The following GCN1 variants were observed in gnomAD, a reference collection of about 807,000 sequenced individuals.
GCN1 encodes the protein GCN1 activator of EIF2AK4.
Under a neutral mutation model 288.4 loss-of-function variants are expected in GCN1, and 90 were observed. The observed-to-expected ratio is 0.31, with a 90% CI of 0.26 to 0.37. The LOEUF (loss-of-function observed/expected upper bound fraction) is 0.37. GCN1 is among the 10% of genes least tolerant of loss of function. The pLI is 1.00. For synonymous variants in GCN1, 1,386 were observed against 1,420.2 expected, an observed-to-expected ratio of 0.98 and a Z score of 0.54; for missense variants, 2,586 against 3,419.9, an observed-to-expected ratio of 0.76 and a Z score of 6.08.
At chr12:120,166,417 A>T (rs956557346) in intron 16 of GCN1, among the ~76,000 whole-genome samples, 5 of 146,970 alleles carry the variant, frequency 3.4e-5, no homozygotes, top group African/African-American at 1.3e-4. Context: ...AAAAAAAAAA[A>T]AAAAATGCCT....
At chr12:120,186,385 A>AG (rs1458350240) in intron 2 of GCN1, among the ~76,000 whole-genome samples, 1 of 152,138 alleles carries the variant, frequency 6.6e-6, no homozygotes, top group Non-Finnish European at 1.5e-5. Context: ...AAAAAAAAAA[A>AG]AAGAGTGCTC....
At position 120,143,953 on chromosome 12, in the gene GCN1, C is replaced by G. The variant is rs573850820; in HGVS notation, c.5495+353G>C. On this transcript the variant is annotated intron_variant, in intron 42 of 57. Coordinates refer to ENST00000300648, the MANE Select transcript of GCN1 (RefSeq NM_006836.2). ...CTCTTCATTTCTCAACTGGAGTTAT[C>G]AAAATGCAAAGTTCAACCCTTTGGA... Among the ~76,000 whole-genome samples the G allele has an allele frequency of 1.1e-3, 166 of 152,316 alleles. 1 individual carries two copies. Among genetic ancestry groups the G allele is most frequent in the Admixed American group, 2.5e-3 (39 of 15,298 alleles).
chr12:120,136,510 A>G lies in GCN1; in HGVS notation c.7000T>C (p.Leu2334=), dbSNP rs1566298130. 6.2e-7 allele frequency: 1 copy of G among 1,612,812 alleles called. No homozygotes were observed. The highest frequency in any genetic ancestry group is 8.5e-7 in the Non-Finnish European group (1 of 1,178,732). Residue 2334 remains leucine (L), a synonymous_variant, in exon 51 of 58, where the codon TTG becomes CTG. Coordinates refer to ENST00000300648, the MANE Select transcript of GCN1 (RefSeq NM_006836.2). ...AALLETLSLL[L]AKVGIALKPF... ...ACTCATCAGCCACTCACCTTAGCCA[A>G]CAAGAGGCTGAGTGTCTCGAGCAGA... is the stretch of plus-strand genomic sequence containing the variant.
At chr12:120,139,509 C>T (rs1194062266) in intron 45 of GCN1, among the ~76,000 whole-genome samples, 1 of 151,870 alleles carries the variant, frequency 6.6e-6, no homozygotes, top group Non-Finnish European at 1.5e-5. Flanking sequence ...CACCTATAGT[C>T]CCCAGCTACT....
At position 120,175,885 on chromosome 12, in the gene GCN1, A is replaced by G; in HGVS notation, c.914-11T>C. The stretch of plus-strand genomic sequence containing the variant: ...TGGATTTCAGGTGACCTGCACACAC[A>G]AAGCCACTGCTCAGAAGCAGCCAAC... On this transcript the variant is annotated splice_polypyrimidine_tract_variant and intron_variant, in intron 10 of 57. Transcript: ENST00000300648. The G allele has an allele frequency of 6.2e-7, 1 of 1,600,122 alleles. No homozygotes were observed. Among genetic ancestry groups the G allele is most frequent in the South Asian group, 1.1e-5 (1 of 88,504 alleles).
At position 120,156,660 on chromosome 12, in the gene GCN1, C is replaced by T; in HGVS notation, c.3169-56G>A. ...CAGCAACTCATTTACTACTAGGGGG[C>T]CAGAGAGGGATATGCACTGAGAACA... On this transcript the variant is annotated intron_variant, in intron 27 of 57. Coordinates refer to ENST00000300648, the MANE Select transcript of GCN1 (RefSeq NM_006836.2). This position sits in a 1 kb window ranked among gnomAD's most constrained non-coding sequence, Gnocchi z 5.8. 3.2e-6 allele frequency: 5 copies of T among 1,567,032 alleles called. No individual in the cohort carries two copies. Among genetic ancestry groups the T allele is most frequent in the Non-Finnish European group, 4.4e-6 (5 of 1,140,972 alleles).
chr12:120,144,391 C>G lies in GCN1; in HGVS notation c.5410G>C (p.Val1804Leu), dbSNP rs772366531. ...RDTALRAGQR[V>L]ISMYAETAIA... ...GCTGTCTCAGCGTACATGGAGATAA[C>G]CCGCTGGCCCGCGCGCAGGGCGGTG... Residue 1804 changes from valine to leucine, a missense_variant, in exon 42 of 58, where the codon GTT (valine) becomes CTT (leucine). Coordinates refer to ENST00000300648, the MANE Select transcript of GCN1 (RefSeq NM_006836.2). This position sits in a 1 kb window ranked among gnomAD's most constrained non-coding sequence, Gnocchi z 4.7. 5.0e-6 allele frequency: 8 copies of G among 1,614,210 alleles called. No individual in the cohort carries two copies. Among genetic ancestry groups the G allele is most frequent in the Non-Finnish European group, 6.8e-6 (8 of 1,179,998 alleles).
chr12:120,152,675 AAT>A (rs559375182), intron 33 of GCN1, among the ~76,000 whole-genome samples: 3 of 140,580 alleles, frequency 2.1e-5, no homozygotes, highest in African/African-American at 7.8e-5. Context: ...TATATATATA[AAT>A]ATATATATAT....
intron 21 of GCN1, 142 bp downstream of exon 21, chr12:120,161,738 G>A (rs1313628307): frequency 2.7e-5 from 25 of 943,022 alleles, no homozygotes; most frequent in Middle Eastern, 3.0e-4. Flanking sequence ...CCTAAGCACC[G>A]TGCCGGGGAC....
intron 18 of GCN1, among the ~76,000 whole-genome samples, chr12:120,164,011 T>C (rs886820697): frequency 2.0e-5 from 3 of 152,080 alleles, no homozygotes; most frequent in African/African-American, 7.2e-5. Context: ...TGTGCACCTA[T>C]AGTCCCAGCA....
At chr12:120,131,110 C>T in intron 55 of GCN1, 75 bp downstream of exon 55, 1 of 1,367,866 alleles carries the variant, frequency 7.3e-7, no homozygotes, top group South Asian at 1.2e-5. Context: ...GTCTGGGGTC[C>T]ACCCGCGCTG....
intron 36 of GCN1, 23 bp from the exon 37 acceptor site, chr12:120,148,369 C>A: frequency 6.2e-7 from 1 of 1,601,708 alleles, no homozygotes; most frequent in Non-Finnish European, 8.5e-7. Context: ...GACACAAGCC[C>A]AGTACTGAAT....
intron 42 of GCN1, among the ~76,000 whole-genome samples, chr12:120,143,588 GAAA>G (rs398055996): frequency 8.4e-6 from 1 of 119,528 alleles, no homozygotes; most frequent in Non-Finnish European, 2.0e-5. Context: ...TCTCAAAAAG[GAAA>G]AAAAAAAAAA....
chr12:120,154,470 C>G (rs917110292), intron 31 of GCN1, among the ~76,000 whole-genome samples: 2 of 152,222 alleles, frequency 1.3e-5, no homozygotes, highest in Non-Finnish European at 2.9e-5. Flanking sequence ...TGAGCCTGCT[C>G]TGTGGGAGGC....
rs1877285638 is a variant in GCN1, at chr12:120,144,167, G to A, written c.5495+139C>T. 2.3e-6 allele frequency: 2 copies of A among 854,548 alleles called. No homozygotes were observed. Among genetic ancestry groups the A allele is most frequent in the Non-Finnish European group, 3.8e-6 (2 of 531,018 alleles). 52.9% of individuals were successfully genotyped at this position (854,548 alleles called of 1,614,324 possible). On this transcript the variant is annotated intron_variant, in intron 42 of 57. Coordinates refer to ENST00000300648, the MANE Select transcript of GCN1 (RefSeq NM_006836.2). This position sits in a 1 kb window ranked among gnomAD's most constrained non-coding sequence, Gnocchi z 4.7. ...AATTTTTTATTTTTTATAGAGACAG[G>A]GTCTCACTATGTTGCCAGGGCTCAT...
chr12:120,174,038 A>G (rs751333600), intron 13 of GCN1, 33 bp downstream of exon 13: 16 of 1,303,728 alleles, frequency 1.2e-5, no homozygotes, highest in Non-Finnish European at 1.7e-5. Context: ...GGATGAGTAC[A>G]GAACGCATGC....
In GCN1 at chr12:120,177,744, T is replaced by C; in HGVS notation, c.669A>G (p.Leu223=). ...MDVVSQHKSA[L]LDFYMKNILM... is the part of the protein sequence containing the mutation. ...GGATGTTCTTCATGTAAAAGTCCAG[T>C]AGGGCGCTCTAGAGAACACAAAGCT... Residue 223 remains leucine (L), a synonymous_variant, in exon 8 of 58, where the codon CTA becomes CTG. Coordinates refer to ENST00000300648, the MANE Select transcript of GCN1 (RefSeq NM_006836.2). 1 of 1,610,878 alleles carries C rather than the reference T, an allele frequency of 6.2e-7. No homozygotes were observed. The highest frequency in any genetic ancestry group is 8.5e-7 in the Non-Finnish European group (1 of 1,177,062).
rs1324862287 is a variant in GCN1 at position 120,142,992 on chromosome 12, G to A, written c.5496-51C>T. The A allele has an allele frequency of 9.9e-7, 1 of 1,006,760 alleles. No individual in the cohort carries two copies. Among genetic ancestry groups the A allele is most frequent in the Non-Finnish European group, 1.6e-6 (1 of 628,008 alleles). 62.4% of individuals were successfully genotyped at this position (1,006,760 alleles called of 1,614,324 possible). A position where few individuals can be genotyped will look rare whatever the true frequency, so the allele number is the denominator to read the frequency against. On this transcript the variant is annotated intron_variant, in intron 42 of 57. Coordinates refer to ENST00000300648, the MANE Select transcript of GCN1 (RefSeq NM_006836.2). The surrounding 1 kb of genome is among the most constrained non-coding windows in gnomAD (Gnocchi z 4.9). ...CACACAGCTGCAAGGAGTGGGCTCG[G>A]CACAACTGAGCACTGCACAGAAGAT... is the stretch of plus-strand genomic sequence containing the variant.
chr12:120,130,841 C>G (rs1384428426), intron 55 of GCN1, 88 bp from the exon 56 acceptor site: 2 of 756,226 alleles, frequency 2.6e-6, no homozygotes, highest in East Asian at 2.7e-5. Context: ...TCTCCAGGAC[C>G]CTCCACTACA....
Sources: allele counts gnomAD v4.1 joint callset (sites outside exome capture counted in the v4.1 genomes callset), GRCh38; gene constraint gnomAD v4.1.1; non-coding constraint Gnocchi (gnomAD v3.1); transcripts MANE v1.5; gene names NCBI Gene and HGNC (gene_info 2026-07-23, HGNC 2026-07-21).